The following AFG2A variants were observed in gnomAD, a reference collection of about 807,000 sequenced individuals.
The protein encoded by AFG2A is ATPase family gene 2 protein homolog A.
At chr4:123,314,600 T>C in the AFG2A span, 1 of 152,192 alleles carries the variant, frequency 6.6e-6, no homozygotes, top group African/African-American at 2.4e-5. Context: ...ATCATTAAAA[T>C]TCATATATGC....
chr4:123,012,659 C>T, the AFG2A span, among the ~76,000 whole-genome samples: 4 of 152,130 alleles, frequency 2.6e-5, no homozygotes, highest in South Asian at 2.1e-4. Flanking sequence ...ACGGATAAAA[C>T]GCATCTCCTT....
chr4:123,023,286 T>C, the AFG2A span, among the ~76,000 whole-genome samples: 13 of 151,922 alleles, frequency 8.6e-5, no homozygotes, highest in African/African-American at 3.1e-4. Flanking sequence ...GGGTGAGGGG[T>C]TCAACTGTAA....
At chr4:123,131,196 T>G in the AFG2A span, among the ~76,000 whole-genome samples, 6 of 152,178 alleles carry the variant, frequency 3.9e-5, no homozygotes. Flanking sequence ...CTTTTCTTTT[T>G]ATTAACACTG....
At chr4:122,961,127 A>G in the AFG2A span, among the ~76,000 whole-genome samples, 9 of 152,200 alleles carry the variant, frequency 5.9e-5, no homozygotes, top group Admixed American at 3.9e-4. Context: ...ATAACACTAT[A>G]TGGTTTTAAG....
chr4:123,117,350 A>G, the AFG2A span, among the ~76,000 whole-genome samples: 2 of 151,822 alleles, frequency 1.3e-5, no homozygotes, highest in South Asian at 2.1e-4. Flanking sequence ...ATACACACCT[A>G]GTGACTTGAT....
At chr4:123,016,531 G>A in the AFG2A span, among the ~76,000 whole-genome samples, 7 of 151,178 alleles carry the variant, frequency 4.6e-5, no homozygotes, top group Admixed American at 2.0e-4. Context: ...ATGGGCGGCT[G>A]GGCAGAGACG....
chr4:123,130,277 A>T, the AFG2A span, among the ~76,000 whole-genome samples: 1 of 152,206 alleles, frequency 6.6e-6, no homozygotes, highest in African/African-American at 2.4e-5. Flanking sequence ...TCAGCTTCCC[A>T]AAGTACTGAG....
the AFG2A span, among the ~76,000 whole-genome samples, chr4:123,191,016 C>T: frequency 6.6e-6 from 1 of 152,112 alleles, no homozygotes; most frequent in Non-Finnish European, 1.5e-5. Flanking sequence ...AAGAAATGCC[C>T]TCATCTTGCT....
the AFG2A span, among the ~76,000 whole-genome samples, chr4:123,135,980 A>G: frequency 2.0e-5 from 3 of 151,518 alleles, no homozygotes; most frequent in Non-Finnish European, 4.4e-5. Flanking sequence ...TTAAGAAAAC[A>G]ATCTCATTTA....
the AFG2A span, among the ~76,000 whole-genome samples, chr4:123,224,580 T>G: frequency 1.3e-5 from 2 of 152,242 alleles, no homozygotes; most frequent in Non-Finnish European, 2.9e-5. Context: ...ATGGTGAATA[T>G]GTGCCACATT....
the AFG2A span, among the ~76,000 whole-genome samples, chr4:123,245,574 T>C: frequency 6.6e-6 from 1 of 152,186 alleles, no homozygotes; most frequent in African/African-American, 2.4e-5. Context: ...AACTTAAGTA[T>C]GTGTATGTGT....
the AFG2A span, among the ~76,000 whole-genome samples, chr4:123,163,328 C>T: frequency 2.6e-4 from 39 of 152,180 alleles, no homozygotes; most frequent in African/African-American, 8.2e-4. Context: ...CCCAACTACT[C>T]GGGAGGCTGA....
the AFG2A span, among the ~76,000 whole-genome samples, chr4:123,164,463 A>G: frequency 5.9e-5 from 9 of 152,170 alleles, no homozygotes; most frequent in African/African-American, 2.2e-4. Context: ...TCTTGGGTTC[A>G]AGTGATTCTC....
At chr4:123,136,064 A>T in the AFG2A span, among the ~76,000 whole-genome samples, 7 of 152,224 alleles carry the variant, frequency 4.6e-5, no homozygotes, top group African/African-American at 1.7e-4. Context: ...AAATATTTGG[A>T]AATTTTTCAG....
the AFG2A span, among the ~76,000 whole-genome samples, chr4:123,033,256 A>G: frequency 6.6e-6 from 1 of 152,176 alleles, no homozygotes; most frequent in African/African-American, 2.4e-5. Flanking sequence ...AGTGGTAGTG[A>G]TGGCACTGAA....
chr4:123,193,211 T>C, the AFG2A span, among the ~76,000 whole-genome samples: 1 of 152,186 alleles, frequency 6.6e-6, no homozygotes, highest in Admixed American at 6.5e-5. Context: ...AATTGCCTGA[T>C]AGTGATTTCA....
chr4:123,229,899 T>A, the AFG2A span, among the ~76,000 whole-genome samples: 1 of 151,898 alleles, frequency 6.6e-6, no homozygotes, highest in Admixed American at 6.6e-5. Flanking sequence ...CGGTTCCAGA[T>A]CAGCAAAATA....
the AFG2A span, among the ~76,000 whole-genome samples, chr4:122,957,720 C>T: frequency 0.011 from 1,693 of 152,246 alleles, 45 homozygotes; most frequent in African/African-American, 0.038. Flanking sequence ...TTTGAACTCA[C>T]ATCTGTTTTT....
At chr4:123,007,666 C>CACACACACACACACACAT in the AFG2A span, among the ~76,000 whole-genome samples, 1 of 126,236 alleles carries the variant, frequency 7.9e-6, no homozygotes, top group East Asian at 2.6e-4. Context: ...CACACACACA[C>CACACACACACACACACAT]ATATATGGAC....
Sources: allele counts gnomAD v4.1 joint callset (sites outside exome capture counted in the v4.1 genomes callset), GRCh38; gene constraint gnomAD v4.1.1; transcripts MANE v1.5; gene names NCBI Gene and HGNC (gene_info 2026-07-23, HGNC 2026-07-21).